Variants in RNF146 observed in about 807,000 individuals in gnomAD.
RNF146 encodes ring finger protein 146, also known as E3 ubiquitin-protein ligase RNF146.
Under a neutral mutation model 29.7 loss-of-function variants are expected in RNF146, and 11 were observed. The ratio of observed to expected loss-of-function variants is 0.37; its 90% CI spans 0.23 to 0.61. The LOEUF (loss-of-function observed/expected upper bound fraction) is 0.61, where lower values mean the gene tolerates loss of function less well. Ranked by LOEUF, RNF146 falls within the 20% of genes least tolerant of loss-of-function variation. RNF146 has a pLI of 0.66. For missense variants in RNF146, 342 were observed against 438.9 expected, an observed-to-expected ratio of 0.78 and a Z score of 1.97; for synonymous variants, 150 against 159.7, an observed-to-expected ratio of 0.94 and a Z score of 0.46.
Position 127,287,629 on chromosome 6 carries a change from G to A in RNF146, c.1016G>A (p.Gly339Glu). ...ACTGATCGATCAGTAGCAGGGGGTGGAACAGTGAGTGTCAGTGTCAGATCT... is the reference window on the plus strand; with the variant it reads ...ACTGATCGATCAGTAGCAGGGGGTGAAACAGTGAGTGTCAGTGTCAGATCT... ...SGTDRSVAGG[G>E]TVSVSVRSRR... Residue 339 changes from glycine to glutamate, a missense_variant, in exon 3 of 3, where the codon GGA becomes GAA. By Grantham distance (98) the Gly-to-Glu change is moderately conservative. This residue lies in a region of RNF146 where 196 missense variants were observed against 208.9 expected (regional missense o/e 0.94). Transcript: ENST00000368314. 3.1e-6 allele frequency: 5 copies of A among 1,611,638 alleles called. No individual in the cohort carries two copies. The highest frequency in any genetic ancestry group is 4.2e-6 in the Non-Finnish European group (5 of 1,178,482).
chr6:127,286,733 T>C lies in RNF146; in HGVS notation c.120T>C (p.Cys40=), dbSNP rs142435817. The change falls in exon 3 of 3, where the codon TGT becomes TGC. Residue 40 remains cysteine, a synonymous_variant. Transcript: ENST00000368314. This position sits in a 1 kb window ranked among gnomAD's most constrained non-coding sequence, Gnocchi z 4.6. ...PSLTVPECAI[C]LQTCVHPVSL... ...TAACCGTCCCTGAATGTGCCATTTG[T>C]CTGCAAACATGTGTTCATCCAGTCA... is the stretch of plus-strand genomic sequence containing the variant. 2.7e-3 allele frequency: 4,312 copies of C among 1,613,462 alleles called. 10 individuals are homozygous for C. The highest frequency in any genetic ancestry group is 4.8e-3 in the Middle Eastern group (29 of 6,056).
At chr6:127,271,365 T>G (rs897011228) in intron 1 of RNF146, among the ~76,000 whole-genome samples, 1 of 152,172 alleles carries the variant, frequency 6.6e-6, no homozygotes, top group Non-Finnish European at 1.5e-5. Context: ...TGAGAGTTAA[T>G]AGGTGATGGG....
chr6:127,283,228 A>T (rs534174843), intron 2 of RNF146, among the ~76,000 whole-genome samples: 1 of 151,960 alleles, frequency 6.6e-6, no homozygotes, highest in South Asian at 2.1e-4. Context: ...CACATGAAGA[A>T]TTCAGTAAAA....
At position 127,286,097 on chromosome 6, in the gene RNF146, GT is replaced by G; in HGVS notation, c.3-517del. On this transcript the variant is annotated intron_variant, in intron 2 of 2. Coordinates refer to ENST00000368314, the MANE Select transcript of RNF146 (RefSeq NM_001242850.2). The surrounding 1 kb of genome is among the most constrained non-coding windows in gnomAD (Gnocchi z 4.6). Reference sequence around the variant, plus strand: ...TTTTCTCCTTTGGTCTTATATGATTGTTACCTTTATGAAGCTTTAGTGATTA... The same window carrying G: ...TTTTCTCCTTTGGTCTTATATGATTGTACCTTTATGAAGCTTTAGTGATTA... 8.1e-7 allele frequency: 1 copy of G among 1,229,546 alleles called. No individual in the cohort carries two copies. 76.2% of individuals were successfully genotyped at this position (1,229,546 alleles called of 1,614,324 possible).
At chr6:127,285,764 C>T (rs1779432347) in intron 2 of RNF146, among the ~76,000 whole-genome samples, 1 of 151,730 alleles carries the variant, frequency 6.6e-6, no homozygotes, top group South Asian at 2.1e-4. Flanking sequence ...TATGTCCATC[C>T]TCTCATCTCT....
At chr6:127,275,829 T>C (rs1778135182) in intron 1 of RNF146, among the ~76,000 whole-genome samples, 1 of 152,056 alleles carries the variant, frequency 6.6e-6, no homozygotes, top group African/African-American at 2.4e-5. Flanking sequence ...TGCAGGACTA[T>C]GAGTAATTTT....
In RNF146 at chr6:127,286,084, G is replaced by T. The variant is rs1779477379; in HGVS notation, c.3-532G>T. The T allele has an allele frequency of 3.3e-6, 4 of 1,229,230 alleles. No individual in the cohort carries two copies. The highest frequency in any genetic ancestry group is 4.1e-6 in the Non-Finnish European group (4 of 986,356). 76.1% of individuals were successfully genotyped at this position (1,229,230 alleles called of 1,614,324 possible). A position where few individuals can be genotyped will look rare whatever the true frequency, so the allele number is the denominator to read the frequency against. The stretch of plus-strand genomic sequence containing the variant: ...AATATTCATGTTATTTTCTCCTTTG[G>T]TCTTATATGATTGTTACCTTTATGA... On this transcript the variant is annotated intron_variant, in intron 2 of 2. Transcript: ENST00000368314. The surrounding 1 kb of genome is among the most constrained non-coding windows in gnomAD (Gnocchi z 4.6).
Position 127,286,131 on chromosome 6 carries a change from C to CT in RNF146, c.3-478dup. ...ATGAAGCTTTAGTGATTACAAAGCA[C>CT]TTTTTTTGTCCATTTTTACCTGAGC... On this transcript the variant is annotated intron_variant, in intron 2 of 2. Coordinates refer to ENST00000368314, the MANE Select transcript of RNF146 (RefSeq NM_001242850.2). This position sits in a 1 kb window ranked among gnomAD's most constrained non-coding sequence, Gnocchi z 4.6. The CT allele has an allele frequency of 1.6e-6, 2 of 1,230,458 alleles. No individual in the cohort carries two copies. The highest frequency in any genetic ancestry group is 2.0e-6 in the Non-Finnish European group (2 of 987,218). The allele number at this position is 1,230,458 out of a possible 1,614,324, so 76.2% of individuals were successfully genotyped here.
rs1779762417 is a variant in RNF146 at position 127,288,105 on chromosome 6, A to G, written c.*412A>G. 2 of 167,972 alleles carry G rather than the reference A, an allele frequency of 1.2e-5. No individual in the cohort carries two copies. Among genetic ancestry groups the G allele is most frequent in the African/African-American group, 2.4e-5 (1 of 41,452 alleles). The allele number at this position is 167,972 out of a possible 1,614,324, so 10.4% of individuals were successfully genotyped here. A position where few individuals can be genotyped will look rare whatever the true frequency, so the allele number is the denominator to read the frequency against. ...ACCTGTGAGATGTTTGATATTATGA[A>G]CAGGAAACATAATTTAATGTATGAA... On this transcript the variant is annotated 3_prime_UTR_variant, in exon 3 of 3. Transcript: ENST00000368314.
intron 2 of RNF146, chr6:127,282,168 CTTGA>C (rs761830618): frequency 1.3e-5 from 2 of 151,646 alleles, no homozygotes; most frequent in South Asian, 2.1e-4. Context: ...GAGTAACTTG[CTTGA>C]TTATTCTTTT....
intron 1 of RNF146, among the ~76,000 whole-genome samples, chr6:127,267,479 C>T (rs1776815211): frequency 6.6e-6 from 1 of 152,166 alleles, no homozygotes; most frequent in African/African-American, 2.4e-5. Context: ...CATGTTTTCC[C>T]GTGTGGGGTC....
chr6:127,283,918 C>G (rs1392153242), intron 2 of RNF146, among the ~76,000 whole-genome samples: 5 of 151,736 alleles, frequency 3.3e-5, no homozygotes, highest in Non-Finnish European at 7.4e-5. Flanking sequence ...ATTGTTTTGC[C>G]TTTCCAATTA....
rs193188950 is a variant in RNF146, at chr6:127,272,708, T to C, written c.-109+5783T>C. ...AATGAGAGGTGAAATAAAAGAATGCTCAAAGACAATAAGAGGGCAGTACAA... is the reference window on the plus strand; with the variant it reads ...AATGAGAGGTGAAATAAAAGAATGCCCAAAGACAATAAGAGGGCAGTACAA... On this transcript the variant is annotated intron_variant, in intron 1 of 2. Coordinates refer to ENST00000368314, the MANE Select transcript of RNF146 (RefSeq NM_001242850.2). Among the ~76,000 whole-genome samples the C allele has an allele frequency of 4.1e-4, 63 of 152,304 alleles. No individual in the cohort carries two copies. The East Asian group carries it at 0.011, about 27-fold the overall frequency.
At chr6:127,271,982 T>C (rs1046429345) in intron 1 of RNF146, among the ~76,000 whole-genome samples, 4 of 152,280 alleles carry the variant, frequency 2.6e-5, no homozygotes, top group Middle Eastern at 6.8e-3. Context: ...ATAGAAAATT[T>C]GAAATTGCAT....
chr6:127,273,689 C>T (rs1321210709), intron 1 of RNF146, among the ~76,000 whole-genome samples: 1 of 151,538 alleles, frequency 6.6e-6, no homozygotes, highest in African/African-American at 2.4e-5. Context: ...AAAGAAATGA[C>T]ATCATCAATA....
chr6:127,285,273 A>G (rs1779363708), intron 2 of RNF146: 3 of 984,044 alleles, frequency 3.0e-6, no homozygotes, highest in Non-Finnish European at 3.6e-6. Context: ...CAGTAAAAAG[A>G]AAAAAAAGGA....
At chr6:127,275,691 TAGTC>T (rs1194590612) in intron 1 of RNF146, among the ~76,000 whole-genome samples, 1 of 152,050 alleles carries the variant, frequency 6.6e-6, no homozygotes, top group Admixed American at 6.6e-5. Context: ...TTTCTGGAGG[TAGTC>T]AGAGAAAATG....
Position 127,287,237 on chromosome 6 carries a change from T to G in RNF146, c.624T>G (p.Ser208Arg). 1 of 1,613,162 alleles carries G rather than the reference T, an allele frequency of 6.2e-7. No homozygotes were observed. Among genetic ancestry groups the G allele is most frequent in the Non-Finnish European group, 8.5e-7 (1 of 1,179,582 alleles). The stretch of plus-strand genomic sequence containing the variant: ...GAGCGGACAGTGTATCAGCACAGAG[T>G]GGAGCTTCTGTTCAGCCCCTAGTGT... ...ADGADSVSAQSGASVQPLVSS... is the reference protein window; with the variant it reads ...ADGADSVSAQRGASVQPLVSS... The change falls in exon 3 of 3, where the codon AGT becomes AGG. Residue 208 changes from serine (S) to arginine (R), a missense_variant. This residue lies in a region of RNF146 where 196 missense variants were observed against 208.9 expected (regional missense o/e 0.94). Coordinates refer to ENST00000368314, the MANE Select transcript of RNF146 (RefSeq NM_001242850.2).
At chr6:127,272,829 T>G (rs1455714774) in intron 1 of RNF146, among the ~76,000 whole-genome samples, 2 of 152,234 alleles carry the variant, frequency 1.3e-5, no homozygotes, top group African/African-American at 4.8e-5. Context: ...TAACTACTAA[T>G]AGCCTACTGT....
Sources: gnomAD v4.1 joint callset for allele counts (sites outside exome capture counted in the v4.1 genomes callset) on GRCh38, gnomAD v4.1.1 for gene constraint, gnomAD v4.1.1 regional missense constraint, Gnocchi (gnomAD v3.1) non-coding constraint, MANE v1.5 for transcripts, NCBI Gene and HGNC (gene_info 2026-07-23, HGNC 2026-07-21) for gene names.